The following KIF17 variants were observed in gnomAD, a reference collection of about 807,000 sequenced individuals.
The protein encoded by KIF17 is kinesin-like protein KIF17.
In KIF17, 80 loss-of-function variants were observed where a neutral mutation model predicts 96.8. That is an observed-to-expected ratio of 0.83 (90% confidence interval 0.69 to 1.00). The LOEUF (loss-of-function observed/expected upper bound fraction) is 1.00, where lower values mean the gene tolerates loss of function less well. Among genes scored for constraint, KIF17 ranks in the 50% least tolerant of loss-of-function variants. The pLI is 0.00. For missense variants in KIF17, 1,280 were observed against 1,372.9 expected, an observed-to-expected ratio of 0.93 and a Z score of 1.07; for synonymous variants, 567 against 587.5, an observed-to-expected ratio of 0.97 and a Z score of 0.51.
Position 20,664,179 on chromosome 1 carries a change from T to C in KIF17, c.*405A>G, listed in dbSNP as rs2053483411. 2.7e-6 allele frequency: 1 copy of C among 376,266 alleles called. No homozygotes were observed. Among genetic ancestry groups the C allele is most frequent in the Non-Finnish European group, 4.6e-6 (1 of 215,916 alleles). The allele number at this position is 376,266 out of a possible 1,614,324, so 23.3% of individuals were successfully genotyped here. On this transcript the variant is annotated 3_prime_UTR_variant, in exon 15 of 15. Transcript: ENST00000400463. ...TGGGGCCAGTCAGACAGAGGCACAG[T>C]TCCTTCCCAGCTGATATTGAGCTTC...
intron 6 of KIF17, chr1:20,693,746 C>T (rs1031135359): frequency 1.3e-5 from 2 of 152,200 alleles, no homozygotes; most frequent in African/African-American, 4.8e-5. Flanking sequence ...TTTCACTACT[C>T]CAGGATGAGG....
chr1:20,703,188 C>CGGATGGACGGAT (rs1553152009), intron 5 of KIF17, among the ~76,000 whole-genome samples: 5 of 92,840 alleles, frequency 5.4e-5, no homozygotes, highest in Admixed American at 1.1e-4. Context: ...AATGGATGGA[C>CGGATGGACGGAT]GGATGGATGG....
chr1:20,683,683 G>T (rs2053874355), intron 10 of KIF17, among the ~76,000 whole-genome samples: 1 of 152,016 alleles, frequency 6.6e-6, no homozygotes, highest in South Asian at 2.1e-4. Flanking sequence ...AAAACATCCT[G>T]CTGTGGGTCT....
intron 5 of KIF17, among the ~76,000 whole-genome samples, chr1:20,698,798 G>A (rs191950496): frequency 3.3e-5 from 5 of 152,204 alleles, no homozygotes; most frequent in African/African-American, 7.2e-5. Flanking sequence ...GGTGGTGTTC[G>A]AGGCCCTCTC....
intron 13 of KIF17, among the ~76,000 whole-genome samples, chr1:20,666,792 T>A (rs1387153583): frequency 6.6e-6 from 1 of 152,212 alleles, no homozygotes; most frequent in Non-Finnish European, 1.5e-5. Flanking sequence ...CTATTATTTT[T>A]CCCCACTATT....
At chr1:20,703,359 G>A (rs1254886734) in intron 5 of KIF17, among the ~76,000 whole-genome samples, 4 of 152,224 alleles carry the variant, frequency 2.6e-5, no homozygotes, top group Admixed American at 2.6e-4. Context: ...TGAATGGATG[G>A]AAGAAAGGAA....
chr1:20,715,349 C>G, intron 2 of KIF17, 144 bp downstream of exon 2: 9 of 1,101,602 alleles, frequency 8.2e-6, no homozygotes, highest in Non-Finnish European at 1.2e-5. Context: ...TTCCCACCAC[C>G]TTTTCAGAAC....
chr1:20,682,536 C>T, intron 11 of KIF17, 117 bp downstream of exon 11: 1 of 821,666 alleles, frequency 1.2e-6, no homozygotes, highest in Non-Finnish European at 2.1e-6. Flanking sequence ...GCATGCATGC[C>T]TGCTGTGTAA....
At chr1:20,677,743 C>T (rs563774347) in intron 11 of KIF17, among the ~76,000 whole-genome samples, 1 of 152,308 alleles carries the variant, frequency 6.6e-6, no homozygotes, top group East Asian at 1.9e-4. Flanking sequence ...GTAGTCCCAG[C>T]TACTCGGGAG....
In KIF17 at chr1:20,699,734, G is replaced by T. The variant is rs560685199; in HGVS notation, c.1124-1246C>A. On this transcript the variant is annotated intron_variant, in intron 5 of 14. Transcript: ENST00000400463. This position sits in a 1 kb window ranked among gnomAD's most constrained non-coding sequence, Gnocchi z 4.3. ...CGGTGAGTGCGAGGGCCCTGAGGCGGTTGTGAGACTGCACTGTTCCTGGCC... is the reference window on the plus strand; with the variant it reads ...CGGTGAGTGCGAGGGCCCTGAGGCGTTTGTGAGACTGCACTGTTCCTGGCC... Among the ~76,000 whole-genome samples, 19 of 152,164 alleles carry T rather than the reference G, an allele frequency of 1.2e-4. No individual in the cohort carries two copies. Among genetic ancestry groups the T allele is most frequent in the Non-Finnish European group, 2.4e-4 (16 of 68,024 alleles).
chr1:20,707,002 G>C (rs764741653), intron 4 of KIF17, among the ~76,000 whole-genome samples: 61 of 152,264 alleles, frequency 4.0e-4, no homozygotes, highest in Middle Eastern at 3.4e-3. Context: ...AGGCTGAGGT[G>C]GGAGGGATGC....
rs887077740 is a variant in KIF17, at chr1:20,685,751, G to A, written c.2019+295C>T. On this transcript the variant is annotated intron_variant, in intron 9 of 14. Coordinates refer to ENST00000400463, the MANE Select transcript of KIF17 (RefSeq NM_001122819.3). The surrounding 1 kb of genome is among the most constrained non-coding windows in gnomAD (Gnocchi z 4.1). ...CCACCAGCCCTGACCTGCAGCCCTC[G>A]TCCTTTGCACACACTGGGCCTCAAT... Among the ~76,000 whole-genome samples the A allele has an allele frequency of 1.3e-5, 2 of 152,134 alleles. No homozygotes were observed. The highest frequency in any genetic ancestry group is 2.9e-5 in the Non-Finnish European group (2 of 68,032).
chr1:20,701,415 A>G (rs2054233911), intron 5 of KIF17, among the ~76,000 whole-genome samples: 1 of 152,066 alleles, frequency 6.6e-6, no homozygotes, highest in Non-Finnish European at 1.5e-5. Flanking sequence ...TGGGCGGCAG[A>G]GCAAGACTCC....
intron 5 of KIF17, among the ~76,000 whole-genome samples, chr1:20,701,260 T>C (rs1227865269): frequency 6.6e-6 from 1 of 152,020 alleles, no homozygotes; most frequent in African/African-American, 2.4e-5. Flanking sequence ...TAAAACCCCA[T>C]CTCTACTAAA....
rs963328321 is a variant in KIF17, at chr1:20,672,836, C to T, written c.2464-640G>A. On this transcript the variant is annotated intron_variant, in intron 11 of 14. Transcript: ENST00000400463. The surrounding 1 kb of genome is among the most constrained non-coding windows in gnomAD (Gnocchi z 4.3). Reference sequence around the variant, plus strand: ...GGTCCCTCCTGAGCACAGGTGACTGCCAGCCCCAGCCATAACCACCCTCTC... The same window carrying T: ...GGTCCCTCCTGAGCACAGGTGACTGTCAGCCCCAGCCATAACCACCCTCTC... The T allele has an allele frequency of 1.8e-5, 3 of 162,864 alleles. No individual in the cohort carries two copies. In the South Asian group the frequency reaches 5.0e-4, roughly 27 times the overall value. The allele number at this position is 162,864 out of a possible 1,614,324, so 10.1% of individuals were successfully genotyped here.
At chr1:20,712,750 A>AT (rs2054481860) in intron 3 of KIF17, among the ~76,000 whole-genome samples, 2 of 32,566 alleles carry the variant, frequency 6.1e-5, no homozygotes, top group African/African-American at 9.4e-5. Flanking sequence ...TATATATATA[A>AT]AATTATATTA....
At chr1:20,688,038 T>C (rs993752744) in intron 7 of KIF17, 94 bp from the exon 8 acceptor site, 1 of 1,145,280 alleles carries the variant, frequency 8.7e-7, no homozygotes, top group Non-Finnish European at 1.3e-6. Flanking sequence ...GTTGTTTTTT[T>C]TGTTTGTTTT....
chr1:20,687,603 A>G lies in KIF17; in HGVS notation c.1723T>C (p.Tyr575His), dbSNP rs747808678. The G allele has an allele frequency of 6.2e-7, 1 of 1,614,088 alleles. No individual in the cohort carries two copies. Among genetic ancestry groups the G allele is most frequent in the East Asian group, 2.2e-5 (1 of 44,870 alleles). ...SMPTEESRSR[Y>H]FLDECLGQEA... ...TGCCCGAGGCACTCATCCAGGAAGT[A>G]TCTGCTCCTGGACTCCTCAGTGGGC... The change falls in exon 8 of 15, where the codon TAC becomes CAC. Residue 575 changes from tyrosine (Y) to histidine (H), a missense_variant. Physicochemically the swap from Tyr to His is moderately conservative, Grantham distance 83 (BLOSUM62 2). Transcript: ENST00000400463. The surrounding 1 kb of genome is among the most constrained non-coding windows in gnomAD (Gnocchi z 4.4).
At chr1:20,712,166 G>A (rs981557617) in intron 3 of KIF17, among the ~76,000 whole-genome samples, 1 of 152,158 alleles carries the variant, frequency 6.6e-6, no homozygotes, top group Non-Finnish European at 1.5e-5. Context: ...CCAGGGTAGT[G>A]ACGAAGGGGA....
Sources: gnomAD v4.1 joint callset for allele counts (sites outside exome capture counted in the v4.1 genomes callset) on GRCh38, gnomAD v4.1.1 for gene constraint, Gnocchi (gnomAD v3.1) non-coding constraint, MANE v1.5 for transcripts, NCBI Gene and HGNC (gene_info 2026-07-23, HGNC 2026-07-21) for gene names.